Variants in ALDH7A1 observed in about 807,000 individuals in gnomAD.
The protein encoded by ALDH7A1 is aldehyde dehydrogenase 7 family member A1, also known as alpha-aminoadipic semialdehyde dehydrogenase.
A neutral mutation model predicts 79.9 loss-of-function variants in ALDH7A1; 63 were observed. That is an observed-to-expected ratio of 0.79 (90% CI 0.64 to 0.97). The LOEUF (loss-of-function observed/expected upper bound fraction) is 0.97. ALDH7A1 is among the 50% of genes least tolerant of loss of function. ALDH7A1 has a pLI of 0.00. For missense variants in ALDH7A1, 627 were observed against 665.2 expected, an observed-to-expected ratio of 0.94 and a Z score of 0.63; for synonymous variants, 240 against 231.2, an observed-to-expected ratio of 1.04 and a Z score of -0.34.
At chr5:126,587,062 G>C (rs1481393873) in intron 3 of ALDH7A1, 5 of 150,698 alleles carry the variant, frequency 3.3e-5, no homozygotes, top group East Asian at 2.0e-4. Flanking sequence ...CTGGGTGACA[G>C]AGTAAGACTG....
At chr5:126,549,030 C>T (rs1449326171) in intron 16 of ALDH7A1, among the ~76,000 whole-genome samples, 4 of 138,922 alleles carry the variant, frequency 2.9e-5, no homozygotes, top group South Asian at 2.2e-4. Context: ...GCTGTGATCG[C>T]GCCACTGCAC....
chr5:126,586,050 G>T (rs776303271), intron 3 of ALDH7A1: 6 of 152,190 alleles, frequency 3.9e-5, no homozygotes, highest in Non-Finnish European at 5.9e-5. Flanking sequence ...ACATTGAAAA[G>T]CTATAATAGA....
At chr5:126,549,762 C>T (rs1749924564) in intron 16 of ALDH7A1, 167 bp downstream of exon 16, 5 of 728,404 alleles carry the variant, frequency 6.9e-6, no homozygotes, top group Admixed American at 2.2e-5. Context: ...GGACTCTATG[C>T]GATAACTTTG....
intron 3 of ALDH7A1, among the ~76,000 whole-genome samples, chr5:126,589,218 C>T (rs1282234679): frequency 6.6e-6 from 1 of 152,066 alleles, no homozygotes; most frequent in Non-Finnish European, 1.5e-5. Flanking sequence ...GGTGCAATGG[C>T]TCAATCTCCG....
At chr5:126,560,621 A>C (rs1678597371) in intron 10 of ALDH7A1, among the ~76,000 whole-genome samples, 1 of 146,918 alleles carries the variant, frequency 6.8e-6, no homozygotes, top group Non-Finnish European at 1.5e-5. Context: ...CTAAGCCTAT[A>C]GGTAAGTGAT....
At chr5:126,593,483 AAAAC>A in intron 1 of ALDH7A1, 79 bp from the exon 2 acceptor site, 1 of 1,589,546 alleles carries the variant, frequency 6.3e-7, no homozygotes. Flanking sequence ...ACGGGGAAGA[AAAAC>A]AAGAGAGGAA....
intron 1 of ALDH7A1, chr5:126,594,176 G>A (rs1172542603): frequency 4.2e-6 from 2 of 470,970 alleles, no homozygotes; most frequent in Non-Finnish European, 4.4e-6. Flanking sequence ...TTAAGCCCTG[G>A]GCAATGGAGA....
Position 126,591,650 on chromosome 5 carries a change from C to A in ALDH7A1, c.312+1014G>T, listed in dbSNP as rs560983003. 2.0e-5 allele frequency among the ~76,000 whole-genome samples: 3 copies of A among 152,192 alleles called. No individual in the cohort carries two copies. The South Asian group carries it at 6.2e-4, about 32-fold the overall frequency. ...AGGAGACAGGCACCCCCAGTCTTTT[C>A]TTTTTACAAGACAAAGCACACTGAG... On this transcript the variant is annotated intron_variant, in intron 3 of 17. Coordinates refer to ENST00000409134, the MANE Select transcript of ALDH7A1 (RefSeq NM_001182.5).
chr5:126,551,376 G>A (rs954885564), intron 14 of ALDH7A1, among the ~76,000 whole-genome samples: 5 of 151,538 alleles, frequency 3.3e-5, no homozygotes, highest in African/African-American at 1.2e-4. Context: ...GTGCAATGGT[G>A]CGATCTCGGC....
In ALDH7A1 at chr5:126,554,295, C is replaced by G. The variant is rs1347421419; in HGVS notation, c.1192G>C (p.Gly398Arg). The G allele has an allele frequency of 5.6e-6, 9 of 1,613,914 alleles. No homozygotes were observed. The highest frequency in any genetic ancestry group is 7.6e-6 in the Non-Finnish European group (9 of 1,179,920). Residue 398 changes from glycine to arginine, a missense_variant, in exon 13 of 18, where the codon GGG (glycine) becomes CGG (arginine). Coordinates refer to ENST00000409134, the MANE Select transcript of ALDH7A1 (RefSeq NM_001182.5). ...AKKEGGTVVY[G>R]GKVMDRPGNY... ...CTCAGAGCATCCCTTACCTTGCCCC[C>G]ATAGACCACTGTGCCACCTTCTTTC...
chr5:126,551,896 A>G (rs549914738), intron 14 of ALDH7A1, 125 bp downstream of exon 14: 49 of 792,334 alleles, frequency 6.2e-5, no homozygotes, highest in Non-Finnish European at 1.7e-5. Flanking sequence ...GAACCTTCAT[A>G]TATCTACTAT....
intron 13 of ALDH7A1, among the ~76,000 whole-genome samples, chr5:126,552,375 T>A (rs1180759823): frequency 6.6e-6 from 1 of 152,158 alleles, no homozygotes; most frequent in African/African-American, 2.4e-5. Context: ...TAGAGAGCCA[T>A]GCCATGTGAC....
At chr5:126,583,058 A>G in intron 4 of ALDH7A1, 84 bp from the exon 5 acceptor site, 1 of 1,518,570 alleles carries the variant, frequency 6.6e-7, no homozygotes, top group South Asian at 1.1e-5. Flanking sequence ...GAAGCAAAAC[A>G]TGTTTTGTAA....
Position 126,545,018 on chromosome 5 carries a change from T to C in ALDH7A1, c.1567A>G (p.Thr523Ala), listed in dbSNP as rs61757684. ...GGAAGGTCTTTACTGTAGTTGATAG[T>C]ACTAGTGGGAAAAAATAACAGAATT... is the stretch of plus-strand genomic sequence containing the variant. ...WKQYMRRSTCTINYSKDLPLA... is the reference protein window; with the variant it reads ...WKQYMRRSTCAINYSKDLPLA... Residue 523 changes from threonine to alanine, a missense_variant and splice_region_variant, in exon 18 of 18, where the codon ACT (threonine) becomes GCT (alanine). By Grantham distance (58) the Thr-to-Ala change is moderately conservative. Coordinates refer to ENST00000409134, the MANE Select transcript of ALDH7A1 (RefSeq NM_001182.5). 5.4e-3 allele frequency: 8,733 copies of C among 1,604,892 alleles called. 28 individuals carry two copies. Among genetic ancestry groups the C allele is most frequent in the Non-Finnish European group, 5.9e-3 (6,962 of 1,171,660 alleles).
intron 9 of ALDH7A1, among the ~76,000 whole-genome samples, chr5:126,563,783 A>G (rs10043987): frequency 0.18 from 28,052 of 151,764 alleles, 3,212 homozygotes; most frequent in East Asian, 0.6. Flanking sequence ...GAGCCATCGC[A>G]ACCGGCCCAC....
chr5:126,590,274 C>T (rs950819826), intron 3 of ALDH7A1, among the ~76,000 whole-genome samples: 5 of 152,232 alleles, frequency 3.3e-5, no homozygotes, highest in South Asian at 2.1e-4. Flanking sequence ...TCTGCCTGGC[C>T]GCTGTGCAAC....
chr5:126,564,147 C>T (rs1750492444), intron 9 of ALDH7A1, among the ~76,000 whole-genome samples: 1 of 152,032 alleles, frequency 6.6e-6, no homozygotes, highest in African/African-American at 2.4e-5. Context: ...GTGTTTGCCT[C>T]AATTTTAGAC....
At chr5:126,568,679 T>G (rs1750676571) in intron 8 of ALDH7A1, 1 of 348,638 alleles carries the variant, frequency 2.9e-6, no homozygotes, top group Non-Finnish European at 5.6e-6. Context: ...GCATTCCAGT[T>G]TTACAAACTT....
chr5:126,577,612 G>A (rs1468825156), intron 5 of ALDH7A1, among the ~76,000 whole-genome samples: 2 of 152,150 alleles, frequency 1.3e-5, no homozygotes, highest in Non-Finnish European at 2.9e-5. Flanking sequence ...CTGTCACCCA[G>A]GCTGGAGTGG....
Sources: allele counts gnomAD v4.1 joint callset (sites outside exome capture counted in the v4.1 genomes callset), GRCh38; gene constraint gnomAD v4.1.1; transcripts MANE v1.5; gene names NCBI Gene and HGNC (gene_info 2026-07-23, HGNC 2026-07-21).